The following TLN2 variants were observed in gnomAD, a reference collection of about 807,000 sequenced individuals.
TLN2 encodes the protein talin 2, also known as talin-2.
A neutral mutation model predicts 294.7 loss-of-function variants in TLN2; 118 were observed. The ratio of observed to expected loss-of-function variants is 0.40; its 90% CI spans 0.34 to 0.47. TLN2 has a LOEUF of 0.47. Ranked by LOEUF, TLN2 falls within the 20% of genes least tolerant of loss-of-function variation. The probability of loss-of-function intolerance (pLI) is 0.84; values close to 1 mark genes in which losing one functional copy is unlikely to be tolerated. For missense variants in TLN2, 3,083 were observed against 3,282.2 expected, an observed-to-expected ratio of 0.94 and a Z score of 1.48; for synonymous variants, 1,431 against 1,304.5, an observed-to-expected ratio of 1.10 and a Z score of -2.09.
intron 2 of TLN2, among the ~76,000 whole-genome samples, chr15:62,609,314 A>T (rs2047716418): frequency 6.6e-6 from 1 of 152,198 alleles, no homozygotes; most frequent in Non-Finnish European, 1.5e-5. Flanking sequence ...CTACAAAAGG[A>T]TATTCTTGAA....
At chr15:62,564,905 CAA>C (rs60087745) in intron 1 of TLN2, among the ~76,000 whole-genome samples, 4,457 of 112,578 alleles carry the variant, frequency 0.04, 93 homozygotes, top group Middle Eastern at 0.099. Context: ...AACTCCATCT[CAA>C]AAAAAAAAAA....
rs1345228007 is a variant in TLN2 at position 62,650,201 on chromosome 15, G to A, written c.234+20G>A. The A allele has an allele frequency of 6.2e-7, 1 of 1,613,120 alleles. No homozygotes were observed. Among genetic ancestry groups the A allele is most frequent in the Non-Finnish European group, 8.5e-7 (1 of 1,179,148 alleles). ...AATGGGGTATGCTGCCAATCCCAGT[G>A]CTGTTTCTTCATCCCTTTGTCCCTG... On this transcript the variant is annotated intron_variant, in intron 5 of 58. Transcript: ENST00000636159.
intron 12 of TLN2, chr15:62,690,231 G>GAGAGGCTCCTCACTTCTC (rs2057719305): frequency 6.2e-6 from 1 of 161,324 alleles, no homozygotes; most frequent in South Asian, 1.8e-4. Flanking sequence ...CTGCCGGGCG[G>GAGAGGCTCCTCACTTCTC]AGAGGCTCCT....
At chr15:62,751,369 A>G (rs1408762525) in intron 34 of TLN2, among the ~76,000 whole-genome samples, 1 of 152,236 alleles carries the variant, frequency 6.6e-6, no homozygotes, top group African/African-American at 2.4e-5. Context: ...TAAAACTAGA[A>G]TTTCCTCATC....
At chr15:62,550,670 A>C (rs1443201519) in intron 1 of TLN2, among the ~76,000 whole-genome samples, 1 of 152,130 alleles carries the variant, frequency 6.6e-6, no homozygotes, top group Admixed American at 6.5e-5. Flanking sequence ...CTTTTCATAG[A>C]ATTGTTAAGA....
chr15:62,553,536 A>G (rs193262944), intron 1 of TLN2, among the ~76,000 whole-genome samples: 43 of 152,324 alleles, frequency 2.8e-4, no homozygotes, highest in African/African-American at 1.0e-3. Flanking sequence ...AGAAAATTCA[A>G]ATTACACAGA....
intron 1 of TLN2, among the ~76,000 whole-genome samples, chr15:62,451,891 A>T (rs969925047): frequency 9.2e-5 from 14 of 152,166 alleles, no homozygotes; most frequent in Non-Finnish European, 1.9e-4. Context: ...AAGGCAGACG[A>T]CCTGCAGTTT....
intron 33 of TLN2, among the ~76,000 whole-genome samples, chr15:62,749,558 G>T (rs376278316): frequency 2.6e-5 from 4 of 152,168 alleles, no homozygotes; most frequent in African/African-American, 9.6e-5. Context: ...TCCTTACACT[G>T]CCCTCTTTCC....
chr15:62,562,088 A>G (rs1409600803), intron 1 of TLN2, among the ~76,000 whole-genome samples: 3 of 152,342 alleles, frequency 2.0e-5, no homozygotes, highest in Admixed American at 6.5e-5. Context: ...CCTGGCACAT[A>G]ATAGATACAC....
intron 1 of TLN2, among the ~76,000 whole-genome samples, chr15:62,577,250 C>T (rs1213061261): frequency 6.6e-6 from 1 of 152,092 alleles, no homozygotes; most frequent in Non-Finnish European, 1.5e-5. Flanking sequence ...TCGAGACCAG[C>T]CTGACCAACA....
chr15:62,830,023 T>A (rs1452655171), intron 54 of TLN2: 1 of 152,120 alleles, frequency 6.6e-6, no homozygotes, highest in Admixed American at 6.5e-5. Context: ...AATGAAATTG[T>A]TTTCTAAAGT....
At position 62,481,798 on chromosome 15, in the gene TLN2, C is replaced by CTTTTTTTTTTTTTTTTT. The variant is rs60002079; in HGVS notation, c.-238+91114_-238+91130dup. Among the ~76,000 whole-genome samples the CTTTTTTTTTTTTTTTTT allele has an allele frequency of 6.0e-5, 7 of 115,732 alleles. 1 individual carries two copies. Among genetic ancestry groups the CTTTTTTTTTTTTTTTTT allele is most frequent in the Non-Finnish European group, 1.1e-4 (6 of 56,864 alleles). 75.9% of individuals were successfully genotyped at this position (115,732 alleles called of 152,430 possible). On this transcript the variant is annotated intron_variant, in intron 1 of 58. Transcript: ENST00000636159. Reference sequence around the variant, plus strand: ...ATATTATTTTTCTTTTTCTTTCTTTCTTTTTTTTTTTTTTTTTAAGACGGA... The same window carrying CTTTTTTTTTTTTTTTTT: ...ATATTATTTTTCTTTTTCTTTCTTTCTTTTTTTTTTTTTTTTTTTTTTTTTTTTTTTTTTAAGACGGA...
rs749656020 is a variant in TLN2 at position 62,673,870 on chromosome 15, G to A, written c.832G>A (p.Ala278Thr). 1 of 1,613,190 alleles carries A rather than the reference G, an allele frequency of 6.2e-7. No individual in the cohort carries two copies. Among genetic ancestry groups the A allele is most frequent in the East Asian group, 2.2e-5 (1 of 44,828 alleles). ...CAAAGAATATATCAAGCAGAGAGGA[G>A]CTGAAAAGAGGATCTTTCAGGTATT... Reference protein sequence around the residue: ...LPKEYIKQRGAEKRIFQEHKN... With the variant: ...LPKEYIKQRGTEKRIFQEHKN... Residue 278 changes from alanine to threonine, a missense_variant, in exon 10 of 59, where the codon GCT becomes ACT. By Grantham distance (58) the Ala-to-Thr change is moderately conservative (BLOSUM62 0). Transcript: ENST00000636159.
At position 62,792,685 on chromosome 15, in the gene TLN2, C is replaced by G. The variant is rs199706459; in HGVS notation, c.5781C>G (p.Gly1927=). The G allele has an allele frequency of 6.2e-7, 1 of 1,613,976 alleles. No individual in the cohort carries two copies. Among genetic ancestry groups the G allele is most frequent in the Non-Finnish European group, 8.5e-7 (1 of 1,180,042 alleles). The change falls in exon 46 of 59, where the codon GGC becomes GGG. Residue 1927 remains glycine (G), a synonymous_variant. Coordinates refer to ENST00000636159, the MANE Select transcript of TLN2 (RefSeq NM_015059.3). ...IRTRVQDLGH[G]CIFLVQKAGA... is the part of the protein sequence containing the mutation. ...CTCGTGTGCAGGACCTGGGCCACGG[C>G]TGTATCTTCCTGGTGCAGAAGGCAG... is the stretch of plus-strand genomic sequence containing the variant.
At chr15:62,605,035 T>C (rs1014633127) in intron 2 of TLN2, among the ~76,000 whole-genome samples, 12 of 152,100 alleles carry the variant, frequency 7.9e-5, no homozygotes, top group African/African-American at 2.9e-4. Context: ...AGTATTTTGT[T>C]TGTGGGAAGA....
Position 62,719,765 on chromosome 15 carries a change from A to G in TLN2, c.2878-2A>G. On this transcript the variant is annotated splice_acceptor_variant, in intron 24 of 58. Coordinates refer to ENST00000636159, the MANE Select transcript of TLN2 (RefSeq NM_015059.3). LOFTEE classifies it high-confidence loss of function. ...CTGTTTTTATTTCCTTGCCTTCTGC[A>G]GGCAGTGGCTGATCACATCCCTCAG... The G allele has an allele frequency of 6.3e-7, 1 of 1,595,646 alleles. No homozygotes were observed. The highest frequency in any genetic ancestry group is 8.5e-7 in the Non-Finnish European group (1 of 1,170,378).
At chr15:62,823,652 C>T (rs1317182262) in intron 54 of TLN2, among the ~76,000 whole-genome samples, 2 of 152,202 alleles carry the variant, frequency 1.3e-5, no homozygotes, top group African/African-American at 4.8e-5. Context: ...GAGAATGGCT[C>T]ATGGTCTTTG....
intron 12 of TLN2, among the ~76,000 whole-genome samples, chr15:62,689,478 C>T (rs1047594404): frequency 3.3e-5 from 5 of 152,142 alleles, no homozygotes; most frequent in South Asian, 2.1e-4. Flanking sequence ...CCCCATTGTT[C>T]TTCTTGCCTT....
chr15:62,440,060 G>A (rs111424016), intron 1 of TLN2, among the ~76,000 whole-genome samples: 18 of 152,248 alleles, frequency 1.2e-4, no homozygotes, highest in African/African-American at 2.2e-4. Flanking sequence ...GTTTAGGCAC[G>A]TTTGTATTTA....
Sources: allele counts gnomAD v4.1 joint callset (sites outside exome capture counted in the v4.1 genomes callset), GRCh38; gene constraint gnomAD v4.1.1; transcripts MANE v1.5; gene names NCBI Gene and HGNC (gene_info 2026-07-23, HGNC 2026-07-21).